CEP131: variants seen among roughly 807,000 people sequenced by gnomAD.
The protein encoded by CEP131 is centrosomal protein of 131 kDa.
A neutral mutation model predicts 136.8 loss-of-function variants in CEP131; 99 were observed. That is an observed-to-expected ratio of 0.72 (90% CI 0.62 to 0.86). CEP131 has a LOEUF of 0.86. Ranked by LOEUF, CEP131 falls within the 40% of genes least tolerant of loss-of-function variation. CEP131 has a pLI of 0.00. For synonymous variants in CEP131, 646 were observed against 612.7 expected, an observed-to-expected ratio of 1.05 and a Z score of -0.80; for missense variants, 1,459 against 1,463.0, an observed-to-expected ratio of 1.00 and a Z score of 0.04.
intron 8 of CEP131, 103 bp from the exon 9 acceptor site, chr17:81,199,938 T>A: frequency 1.7e-6 from 2 of 1,189,826 alleles, no homozygotes; most frequent in Non-Finnish European, 2.5e-6. Context: ...CTAGAGTTCG[T>A]GGAATCTCAG....
chr17:81,202,555 G>C (rs1276330779), intron 6 of CEP131, among the ~76,000 whole-genome samples, 157 bp from the exon 7 acceptor site: 2 of 152,232 alleles, frequency 1.3e-5, no homozygotes, highest in Admixed American at 1.3e-4. Context: ...GCAGGTGCGA[G>C]GCCGGCTCTC....
At chr17:81,216,662 G>A (rs144006127) in intron 2 of CEP131, among the ~76,000 whole-genome samples, 6 of 152,338 alleles carry the variant, frequency 3.9e-5, no homozygotes, top group Non-Finnish European at 5.9e-5. Flanking sequence ...ACAGAACAGT[G>A]GCCGCCTAGG....
chr17:81,196,249 G>A (rs1009005466), intron 15 of CEP131, among the ~76,000 whole-genome samples: 1 of 152,220 alleles, frequency 6.6e-6, no homozygotes, highest in Non-Finnish European at 1.5e-5. Context: ...GCTCTGCCGA[G>A]GCCATCACCC....
In CEP131 at chr17:81,219,207, T is replaced by C. The variant is rs756389593; in HGVS notation, c.177+673A>G. On this transcript the variant is annotated intron_variant, in intron 2 of 25. Transcript: ENST00000450824. This position sits in a 1 kb window ranked among gnomAD's most constrained non-coding sequence, Gnocchi z 4.0. ...CACCCCGAAGCTCCCACGGCTGTCC[T>C]GCTGCCCACACACCCACACACCCGT... is the stretch of plus-strand genomic sequence containing the variant. Among the ~76,000 whole-genome samples the C allele has an allele frequency of 6.6e-6, 1 of 151,962 alleles. No homozygotes were observed. Among genetic ancestry groups the C allele is most frequent in the Non-Finnish European group, 1.5e-5 (1 of 68,010 alleles).
intron 2 of CEP131, among the ~76,000 whole-genome samples, chr17:81,211,237 C>T (rs977531327): frequency 2.0e-5 from 3 of 152,224 alleles, no homozygotes; most frequent in African/African-American, 7.2e-5. Context: ...CTGGGCTGTG[C>T]TCCCAGGGCC....
intron 16 of CEP131, 139 bp from the exon 17 acceptor site, chr17:81,195,111 A>G: frequency 1.5e-6 from 1 of 676,334 alleles, no homozygotes; most frequent in Non-Finnish European, 2.6e-6. Flanking sequence ...CTGCCCCGAG[A>G]CAGAGCCACT....
At chr17:81,194,721 G>T in intron 17 of CEP131, 149 bp downstream of exon 17, 2 of 747,428 alleles carry the variant, frequency 2.7e-6, no homozygotes, top group Admixed American at 4.0e-5. Flanking sequence ...AGCGGAGGCC[G>T]TGACGGGGGT....
At chr17:81,194,229 G>C in intron 17 of CEP131, 102 bp from the exon 18 acceptor site, 1 of 1,115,124 alleles carries the variant, frequency 9.0e-7, no homozygotes, top group Non-Finnish European at 1.2e-6. Flanking sequence ...AGGGGACCCC[G>C]CCCACCCAGG....
Position 81,199,772 on chromosome 17 carries a change from T to G in CEP131, c.970A>C (p.Arg324=). Residue 324 remains arginine (R), a synonymous_variant, in exon 9 of 26, where the codon AGG becomes CGG. Transcript: ENST00000450824. ...LDLHQQKEAA[R]RKAREEKARQ... is the part of the protein sequence containing the mutation. The stretch of plus-strand genomic sequence containing the variant: ...GCCTTCTCCTCCCGGGCCTTCCTCC[T>G]GGCTGCCTCTTTCTGCTGGTGCAGG... 4.3e-6 allele frequency: 7 copies of G among 1,611,648 alleles called. No individual in the cohort carries two copies. Among genetic ancestry groups the G allele is most frequent in the Non-Finnish European group, 5.9e-6 (7 of 1,179,988 alleles).
intron 13 of CEP131, 150 bp from the exon 14 acceptor site, chr17:81,197,205 G>A (rs1188713458): frequency 1.3e-5 from 16 of 1,191,936 alleles, no homozygotes; most frequent in Admixed American, 8.7e-5. Flanking sequence ...GGTGGCAGGC[G>A]GCCCAGCAGA....
Position 81,190,774 on chromosome 17 carries a change from C to T in CEP131, c.2972G>A (p.Ser991Asn), listed in dbSNP as rs1482237128. 1 of 1,611,450 alleles carries T rather than the reference C, an allele frequency of 6.2e-7. No individual in the cohort carries two copies. Among genetic ancestry groups the T allele is most frequent in the Admixed American group, 1.7e-5 (1 of 59,860 alleles). Residue 991 changes from serine (S) to asparagine (N), a missense_variant, in exon 24 of 26, where the codon AGC (serine) becomes AAC (asparagine). Transcript: ENST00000450824. ...AVNEQLSSER[S>N]NLAQVIRQEF... is the part of the protein sequence containing the mutation. ...CTGGCGGATCACCTGGGCCAGGTTG[C>T]TGCGCTCGCTAGAAAGCTGCTCGTT...
intron 2 of CEP131, among the ~76,000 whole-genome samples, chr17:81,209,511 T>C (rs2062086593): frequency 6.6e-6 from 1 of 152,156 alleles, no homozygotes; most frequent in African/African-American, 2.4e-5. Flanking sequence ...TGCCCAGCGG[T>C]TCCAGGTCCG....
intron 13 of CEP131, 29 bp downstream of exon 13, chr17:81,197,683 G>A (rs2061794110): frequency 6.3e-7 from 1 of 1,589,570 alleles, no homozygotes; most frequent in Non-Finnish European, 8.6e-7. Context: ...CTCCCACTGG[G>A]GGCCGGGTGC....
intron 13 of CEP131, 118 bp from the exon 14 acceptor site, chr17:81,197,173 GC>G: frequency 7.1e-7 from 1 of 1,412,102 alleles, no homozygotes; most frequent in East Asian, 2.5e-5. Context: ...GCACACGGGA[GC>G]CCGTGGGAAG....
At chr17:81,192,232 A>G (rs906208751) in intron 21 of CEP131, 86 bp downstream of exon 21, 6 of 1,332,136 alleles carry the variant, frequency 4.5e-6, no homozygotes, top group Non-Finnish European at 5.2e-6. Flanking sequence ...CCACAGCAGC[A>G]GCAAAACCCA....
rs1294215110 is a variant in CEP131 at position 81,196,761 on chromosome 17, C to T, written c.1839G>A (p.Leu613=). 1.3e-6 allele frequency: 2 copies of T among 1,596,176 alleles called. No individual in the cohort carries two copies. Among genetic ancestry groups the T allele is most frequent in the Non-Finnish European group, 1.7e-6 (2 of 1,173,188 alleles). The change falls in exon 15 of 26, where the codon CTG becomes CTA. Residue 613 remains leucine, a synonymous_variant. Transcript: ENST00000450824. The stretch of plus-strand genomic sequence containing the variant: ...CCTCGTAGTGCTCCCTCTGCCGCTG[C>T]AGCTGCCGGCTCAGCGCCTTCTCTG... ...KETEKALSRQ[L]QRQREHYEAT... is the part of the protein sequence containing the mutation.
chr17:81,220,707 G>T (rs2062368110), intron 1 of CEP131, among the ~76,000 whole-genome samples: 1 of 152,010 alleles, frequency 6.6e-6, no homozygotes, highest in Non-Finnish European at 1.5e-5. Context: ...TGCCATGTTG[G>T]CCAGGCTGGT....
chr17:81,219,215 A>G lies in CEP131; in HGVS notation c.177+665T>C, dbSNP rs1388259875. Among the ~76,000 whole-genome samples, 1 of 151,346 alleles carries G rather than the reference A, an allele frequency of 6.6e-6. No homozygotes were observed. Among genetic ancestry groups the G allele is most frequent in the Non-Finnish European group, 1.5e-5 (1 of 67,918 alleles). On this transcript the variant is annotated intron_variant, in intron 2 of 25. Transcript: ENST00000450824. The surrounding 1 kb of genome is among the most constrained non-coding windows in gnomAD (Gnocchi z 4.0). ...AGCTCCCACGGCTGTCCTGCTGCCC[A>G]CACACCCACACACCCGTCTAGGTTT... is the stretch of plus-strand genomic sequence containing the variant.
Position 81,200,204 on chromosome 17 carries a change from A to G in CEP131, c.906+125T>C. The stretch of plus-strand genomic sequence containing the variant: ...GACCCAGGGTCAAGAAGGATGCTGC[A>G]CCCAGAGACGGGGCCCACGAGCAAT... On this transcript the variant is annotated intron_variant, in intron 8 of 25. Transcript: ENST00000450824. 7 of 758,042 alleles carry G rather than the reference A, an allele frequency of 9.2e-6. No individual in the cohort carries two copies. The South Asian group carries it at 1.3e-4, about 14-fold the overall frequency. 47.0% of individuals were successfully genotyped at this position (758,042 alleles called of 1,614,324 possible). A position where few individuals can be genotyped will look rare whatever the true frequency, so the allele number is the denominator to read the frequency against.
Sources: gnomAD v4.1 joint callset for allele counts (sites outside exome capture counted in the v4.1 genomes callset) on GRCh38, gnomAD v4.1.1 for gene constraint, Gnocchi (gnomAD v3.1) non-coding constraint, MANE v1.5 for transcripts, NCBI Gene and HGNC (gene_info 2026-07-23, HGNC 2026-07-21) for gene names.